Variants in IQSEC1 observed in about 807,000 individuals in gnomAD.
IQSEC1 encodes IQ motif and SEC7 domain-containing protein 1.
IQSEC1 carries 31 observed loss-of-function variants against 91.0 expected under a neutral mutation model. That is an observed-to-expected ratio of 0.34 (90% CI 0.26 to 0.46). The LOEUF is 0.46. IQSEC1 is among the 20% of genes least tolerant of loss of function. The probability of loss-of-function intolerance (pLI) is 1.00; values close to 1 mark genes in which losing one functional copy is unlikely to be tolerated. For missense variants in IQSEC1, 1,388 were observed against 1,575.6 expected (o/e 0.88, Z 2.02); for synonymous variants, 699 against 662.6 (o/e 1.05, Z -0.84).
At chr3:13,223,993 G>A (rs1206823368) in intron 1 of IQSEC1, among the ~76,000 whole-genome samples, 2 of 152,134 alleles carry the variant, frequency 1.3e-5, no homozygotes, top group African/African-American at 2.4e-5. Context: ...GGTTGGGGCC[G>A]AGTCCTCCCT....
chr3:13,087,741 C>T (rs181721), intron 2 of IQSEC1, among the ~76,000 whole-genome samples: 111,184 of 152,104 alleles, frequency 0.73, 40,989 homozygotes, highest in East Asian at 0.89. Flanking sequence ...CTCACAGAGA[C>T]TTATTGCTCA....
At position 12,900,850 on chromosome 3, in the gene IQSEC1, T is replaced by A. The variant is rs571640603; in HGVS notation, c.*133A>T. The A allele has an allele frequency of 8.3e-5, 127 of 1,523,726 alleles. No individual in the cohort carries two copies. The highest frequency in any genetic ancestry group is 1.0e-4 in the Non-Finnish European group (118 of 1,140,906). The allele number at this position is 1,523,726 out of a possible 1,614,324, so 94.4% of individuals were successfully genotyped here. A position where few individuals can be genotyped will look rare whatever the true frequency, so the allele number is the denominator to read the frequency against. On this transcript the variant is annotated 3_prime_UTR_variant, in exon 14 of 14. Transcript: ENST00000613206. Reference sequence around the variant, plus strand: ...GCCCTGTGGGCTCCTGGGGCTCCGGTTGGGCCGTGAGGGGCAGAGGGGAGA... The same window carrying A: ...GCCCTGTGGGCTCCTGGGGCTCCGGATGGGCCGTGAGGGGCAGAGGGGAGA...
At chr3:13,245,524 T>A (rs1484428658) in intron 1 of IQSEC1, among the ~76,000 whole-genome samples, 1 of 152,184 alleles carries the variant, frequency 6.6e-6, no homozygotes, top group Non-Finnish European at 1.5e-5. Flanking sequence ...CCCAGCCCTT[T>A]GGAAGGCCAA....
In IQSEC1 at chr3:13,007,041, G is replaced by A. The variant is rs775544792; in HGVS notation, c.24-65176C>T. Among the ~76,000 whole-genome samples the A allele has an allele frequency of 3.3e-5, 5 of 152,228 alleles. No individual in the cohort carries two copies. In the East Asian group the frequency reaches 7.7e-4, roughly 23 times the overall value. The stretch of plus-strand genomic sequence containing the variant: ...GAGCAGGAGACACTTGTCCAAAGTC[G>A]GTTTTGCTAGGCTTTGTCCTCCTCC... On this transcript the variant is annotated intron_variant, in intron 1 of 13. Transcript: ENST00000613206.
At chr3:12,916,969 CAGG>C (rs1696158030) in intron 6 of IQSEC1, among the ~76,000 whole-genome samples, 1 of 152,206 alleles carries the variant, frequency 6.6e-6, no homozygotes, top group Admixed American at 6.5e-5. Context: ...GGGGCACAGC[CAGG>C]AGAAGCCAAA....
chr3:13,150,333 G>C (rs1032379548), intron 2 of IQSEC1, among the ~76,000 whole-genome samples: 7 of 152,212 alleles, frequency 4.6e-5, no homozygotes, highest in African/African-American at 1.7e-4. Context: ...GCTGAGGCTT[G>C]ACCATGTCCT....
intron 1 of IQSEC1, among the ~76,000 whole-genome samples, chr3:13,235,624 C>T (rs1415259249): frequency 3.9e-5 from 6 of 152,292 alleles, no homozygotes; most frequent in East Asian, 1.9e-4. Context: ...ACATCACTCC[C>T]GCTGCCTGTG....
chr3:13,033,863 C>T (rs1247166385), intron 1 of IQSEC1, among the ~76,000 whole-genome samples: 1 of 152,192 alleles, frequency 6.6e-6, no homozygotes, highest in Non-Finnish European at 1.5e-5. Flanking sequence ...TTCATTTCAT[C>T]CAGAAACACC....
chr3:13,277,532 G>C (rs751892878), intron 1 of IQSEC1, among the ~76,000 whole-genome samples: 12 of 152,122 alleles, frequency 7.9e-5, no homozygotes, highest in Admixed American at 1.3e-4. Flanking sequence ...ACACTCCCTC[G>C]TCTTTCTGTG....
At chr3:12,926,958 GGGACCCAGGATGGAA>G (rs1039614189) in intron 3 of IQSEC1, among the ~76,000 whole-genome samples, 1 of 152,172 alleles carries the variant, frequency 6.6e-6, no homozygotes, top group African/African-American at 2.4e-5. Flanking sequence ...ACCTGTCCCA[GGGACCCAGGATGGAA>G]GGACCAGGGT....
chr3:13,245,435 C>T (rs997576980), intron 1 of IQSEC1, among the ~76,000 whole-genome samples: 1 of 152,208 alleles, frequency 6.6e-6, no homozygotes, highest in African/African-American at 2.4e-5. Context: ...AAGGGCTCCA[C>T]CTCTGGATGG....
Position 12,908,762 on chromosome 3 carries a change from C to A in IQSEC1, c.2579-237G>T, listed in dbSNP as rs1695267655. 6.6e-6 allele frequency among the ~76,000 whole-genome samples: 1 copy of A among 152,078 alleles called. No individual in the cohort carries two copies. Among genetic ancestry groups the A allele is most frequent in the Non-Finnish European group, 1.5e-5 (1 of 67,990 alleles). On this transcript the variant is annotated intron_variant, in intron 11 of 13. Coordinates refer to ENST00000613206, the MANE Select transcript of IQSEC1 (RefSeq NM_001134382.3). The surrounding 1 kb of genome is among the most constrained non-coding windows in gnomAD (Gnocchi z 4.9). ...TGTGACCTGCAGGAAGGATAGTCACCTTCCAGGCTCGGGAGTGGACAGGGA... is the reference window on the plus strand; with the variant it reads ...TGTGACCTGCAGGAAGGATAGTCACATTCCAGGCTCGGGAGTGGACAGGGA...
At chr3:13,108,462 C>A (rs1706189409) in intron 2 of IQSEC1, among the ~76,000 whole-genome samples, 1 of 152,038 alleles carries the variant, frequency 6.6e-6, no homozygotes, top group Non-Finnish European at 1.5e-5. Context: ...TTCCAGACAC[C>A]ACGTCCCATT....
At chr3:13,268,635 G>C (rs1695539686) in intron 1 of IQSEC1, among the ~76,000 whole-genome samples, 1 of 152,198 alleles carries the variant, frequency 6.6e-6, no homozygotes, top group African/African-American at 2.4e-5. Context: ...TGTTTCAGGA[G>C]GAAATTAAAT....
At chr3:13,242,449 G>A (rs1419359802) in intron 1 of IQSEC1, among the ~76,000 whole-genome samples, 1 of 152,230 alleles carries the variant, frequency 6.6e-6, no homozygotes, top group Admixed American at 6.5e-5. Context: ...GGTTCAGATA[G>A]CTAAAGTCAC....
At chr3:13,046,321 T>A (rs1704492208) in intron 1 of IQSEC1, among the ~76,000 whole-genome samples, 3 of 152,360 alleles carry the variant, frequency 2.0e-5, no homozygotes, top group South Asian at 4.1e-4. Context: ...GTGTCGCTCA[T>A]GTGTGTACAC....
At chr3:13,152,959 A>T (rs778529696) in intron 2 of IQSEC1, among the ~76,000 whole-genome samples, 6 of 152,130 alleles carry the variant, frequency 3.9e-5, no homozygotes, top group Non-Finnish European at 7.4e-5. Context: ...TCCCTAAGCA[A>T]GTCCTGTAGG....
At chr3:13,080,084 A>G (rs1391018629) in intron 2 of IQSEC1, among the ~76,000 whole-genome samples, 5 of 152,226 alleles carry the variant, frequency 3.3e-5, no homozygotes, top group African/African-American at 7.2e-5. Flanking sequence ...GCAGAAAGTC[A>G]TGAGACAACC....
intron 1 of IQSEC1, among the ~76,000 whole-genome samples, chr3:13,199,760 G>A (rs570724621): frequency 1.9e-4 from 29 of 149,132 alleles, no homozygotes; most frequent in Middle Eastern, 3.4e-3. Flanking sequence ...GTCCCCGGAC[G>A]TGAGGATGCC....
Sources: allele counts gnomAD v4.1 joint callset (sites outside exome capture counted in the v4.1 genomes callset), GRCh38; gene constraint gnomAD v4.1.1; non-coding constraint Gnocchi (gnomAD v3.1); transcripts MANE v1.5; gene names NCBI Gene and HGNC (gene_info 2026-07-23, HGNC 2026-07-21).